Variants in LDLRAD4 observed in about 807,000 individuals in gnomAD.
The protein encoded by LDLRAD4 is low density lipoprotein receptor class A domain containing 4.
In LDLRAD4, 5 loss-of-function variants were observed where a neutral mutation model predicts 17.0. That is an observed-to-expected ratio of 0.29 (90% CI 0.15 to 0.62). The LOEUF (loss-of-function observed/expected upper bound fraction) is 0.62. LDLRAD4 is among the 20% of genes least tolerant of loss of function. LDLRAD4 has a pLI of 0.84. For synonymous variants in LDLRAD4, 168 were observed against 171.8 expected (o/e 0.98, Z 0.17); for missense variants, 340 against 424.7 (o/e 0.80, Z 1.75).
At chr18:13,489,230 C>G (rs2093308302) in intron 3 of LDLRAD4, 1 of 149,952 alleles carries the variant, frequency 6.7e-6, no homozygotes, top group South Asian at 2.1e-4. Flanking sequence ...TCTTGGCTCA[C>G]CACAAACTCT....
chr18:13,644,559 C>T (rs906763639), intron 5 of LDLRAD4, among the ~76,000 whole-genome samples: 1 of 139,842 alleles, frequency 7.2e-6, no homozygotes, highest in African/African-American at 2.9e-5. Context: ...CAGAGCCAGA[C>T]CCTGTCTCAA....
chr18:13,596,952 A>C lies in LDLRAD4; in HGVS notation c.182-24165A>C, dbSNP rs946111320. Among the ~76,000 whole-genome samples the C allele has an allele frequency of 3.3e-5, 5 of 152,184 alleles. No individual in the cohort carries two copies. In the South Asian group the frequency reaches 1.0e-3, roughly 32 times the overall value. ...AATTGCCTTTTAAGTTAATTAAGAGAAGAAGGAAGAAGAAATGTACATTTA... is the reference window on the plus strand; with the variant it reads ...AATTGCCTTTTAAGTTAATTAAGAGCAGAAGGAAGAAGAAATGTACATTTA... On this transcript the variant is annotated intron_variant, in intron 3 of 5. Transcript: ENST00000359446.
intron 1 of LDLRAD4, among the ~76,000 whole-genome samples, chr18:13,258,833 G>A (rs1458148415): frequency 2.0e-5 from 3 of 152,156 alleles, no homozygotes; most frequent in African/African-American, 7.2e-5. Flanking sequence ...TGGGGCAGGG[G>A]AAGGATTACA....
At chr18:13,349,043 C>G (rs550474760) in intron 1 of LDLRAD4, among the ~76,000 whole-genome samples, 3 of 152,322 alleles carry the variant, frequency 2.0e-5, no homozygotes, top group Admixed American at 6.5e-5. Context: ...ATGCCTCGCC[C>G]TGCTTTGGCT....
At chr18:13,604,179 A>G (rs1273425563) in intron 3 of LDLRAD4, among the ~76,000 whole-genome samples, 1 of 152,232 alleles carries the variant, frequency 6.6e-6, no homozygotes, top group Non-Finnish European at 1.5e-5. Context: ...AAACCCTGGA[A>G]TGTGCCTTGA....
At chr18:13,393,603 G>A (rs996948739) in intron 2 of LDLRAD4, among the ~76,000 whole-genome samples, 23 of 152,178 alleles carry the variant, frequency 1.5e-4, no homozygotes, top group Non-Finnish European at 3.4e-4. Context: ...GTCAAGTGCT[G>A]CAGAGAAACA....
chr18:13,628,392 T>C (rs1296500565), intron 4 of LDLRAD4, among the ~76,000 whole-genome samples: 2 of 152,126 alleles, frequency 1.3e-5, no homozygotes, highest in African/African-American at 4.8e-5. Context: ...ACAGACCAGA[T>C]GTGTGTGTTT....
At chr18:13,238,661 A>G (rs1389192873) in intron 1 of LDLRAD4, among the ~76,000 whole-genome samples, 1 of 152,178 alleles carries the variant, frequency 6.6e-6, no homozygotes, top group Non-Finnish European at 1.5e-5. Flanking sequence ...CATCTCTGTG[A>G]GGTTTGCACC....
intron 4 of LDLRAD4, among the ~76,000 whole-genome samples, chr18:13,627,080 G>A (rs572788520): frequency 1.1e-4 from 17 of 152,296 alleles, no homozygotes; most frequent in African/African-American, 4.1e-4. Flanking sequence ...GACCAGCCCA[G>A]CCAACATGGT....
At chr18:13,603,750 G>A (rs1455170139) in intron 3 of LDLRAD4, among the ~76,000 whole-genome samples, 1 of 152,204 alleles carries the variant, frequency 6.6e-6, no homozygotes, top group South Asian at 2.1e-4. Flanking sequence ...CCCACTCCAC[G>A]CTGAGCACGC....
intron 3 of LDLRAD4, among the ~76,000 whole-genome samples, chr18:13,607,858 G>A (rs770495891): frequency 5.3e-5 from 8 of 152,130 alleles, no homozygotes; most frequent in Admixed American, 2.6e-4. Flanking sequence ...ATGGGTGTTC[G>A]GGTTCTTTCC....
chr18:13,481,981 G>T (rs2093099293), intron 3 of LDLRAD4, among the ~76,000 whole-genome samples: 2 of 152,066 alleles, frequency 1.3e-5, no homozygotes, highest in Admixed American at 1.3e-4. Flanking sequence ...GAGACAGAGT[G>T]ACTGAAGTGA....
At chr18:13,296,218 C>T (rs887270639) in intron 1 of LDLRAD4, among the ~76,000 whole-genome samples, 18 of 152,202 alleles carry the variant, frequency 1.2e-4, no homozygotes, top group East Asian at 9.6e-4. Context: ...AAGAGGCGAC[C>T]GCCAAATCAG....
At chr18:13,452,331 T>C (rs1405737965) in intron 3 of LDLRAD4, among the ~76,000 whole-genome samples, 2 of 151,906 alleles carry the variant, frequency 1.3e-5, no homozygotes, top group East Asian at 3.9e-4. Flanking sequence ...TTGCAGCGCT[T>C]GGAGGATGCA....
At chr18:13,598,570 C>T (rs760833784) in intron 3 of LDLRAD4, among the ~76,000 whole-genome samples, 3 of 152,234 alleles carry the variant, frequency 2.0e-5, no homozygotes, top group Non-Finnish European at 2.9e-5. Context: ...GTCTCTTTCT[C>T]TGATTCTCTG....
intron 3 of LDLRAD4, among the ~76,000 whole-genome samples, chr18:13,453,148 C>T (rs1052845326): frequency 1.1e-4 from 17 of 152,302 alleles, no homozygotes; most frequent in African/African-American, 2.9e-4. Context: ...AGCAGGACCC[C>T]GGTATCTTGC....
intron 1 of LDLRAD4, among the ~76,000 whole-genome samples, chr18:13,352,649 C>CT (rs2083112999): frequency 6.6e-6 from 1 of 152,154 alleles, no homozygotes. Context: ...ACATTTTCTG[C>CT]TATTATTCCT....
chr18:13,383,227 CAT>C (rs1257063612), intron 1 of LDLRAD4, among the ~76,000 whole-genome samples: 2 of 152,206 alleles, frequency 1.3e-5, no homozygotes, highest in Admixed American at 1.3e-4. Context: ...TTCCTTCACT[CAT>C]GTGTTCGCTC....
intron 1 of LDLRAD4, among the ~76,000 whole-genome samples, chr18:13,348,149 T>C (rs538720921): frequency 6.6e-6 from 1 of 152,232 alleles, no homozygotes; most frequent in Non-Finnish European, 1.5e-5. Flanking sequence ...AGAGGTGCTC[T>C]GATTTTTAGA....
Sources: allele counts gnomAD v4.1 joint callset (sites outside exome capture counted in the v4.1 genomes callset), GRCh38; gene constraint gnomAD v4.1.1; transcripts MANE v1.5; gene names NCBI Gene and HGNC (gene_info 2026-07-23, HGNC 2026-07-21).